CHN1: variants seen among roughly 807,000 people sequenced by gnomAD.
The protein encoded by CHN1 is chimerin 1.
Under a neutral mutation model 59.5 loss-of-function variants are expected in CHN1, and 37 were observed. That is an observed-to-expected ratio of 0.62 (90% CI 0.48 to 0.82). CHN1 has a LOEUF of 0.82. Ranked by LOEUF, CHN1 falls within the 40% of genes least tolerant of loss-of-function variation. The probability of loss-of-function intolerance (pLI) is 0.00; values close to 1 mark genes in which losing one functional copy is unlikely to be tolerated. For synonymous variants in CHN1, 206 were observed against 200.4 expected (o/e 1.03, Z -0.24); for missense variants, 469 against 571.0 (o/e 0.82, Z 1.82).
intron 1 of CHN1, among the ~76,000 whole-genome samples, chr2:174,958,521 T>C (rs1245829141): frequency 6.6e-6 from 1 of 152,120 alleles, no homozygotes; most frequent in Non-Finnish European, 1.5e-5. Context: ...CTCCCGGAGA[T>C]CATTCTGACT....
At chr2:174,891,502 G>A (rs942575297) in intron 5 of CHN1, among the ~76,000 whole-genome samples, 6 of 151,126 alleles carry the variant, frequency 4.0e-5, no homozygotes, top group African/African-American at 1.5e-4. Context: ...CCGGGAGGTG[G>A]AAGTTGCAGT....
chr2:174,896,598 C>T (rs1361754729), intron 5 of CHN1, among the ~76,000 whole-genome samples: 2 of 152,114 alleles, frequency 1.3e-5, no homozygotes, highest in Admixed American at 6.5e-5. Context: ...GTCAGTCCAA[C>T]TCAGTTTGTC....
intron 8 of CHN1, among the ~76,000 whole-genome samples, chr2:174,813,228 A>G (rs1180655613): frequency 6.6e-6 from 1 of 152,246 alleles, no homozygotes; most frequent in Non-Finnish European, 1.5e-5. Flanking sequence ...ACACAGTGGA[A>G]CAGAACTCAA....
intron 5 of CHN1, among the ~76,000 whole-genome samples, chr2:174,892,951 G>A (rs552133580): frequency 6.6e-6 from 1 of 151,984 alleles, no homozygotes; most frequent in South Asian, 2.1e-4. Context: ...CAACAAACTG[G>A]GAATAGAAGG....
chr2:174,832,894 A>C (rs1257918547), intron 7 of CHN1, among the ~76,000 whole-genome samples: 1 of 152,144 alleles, frequency 6.6e-6, no homozygotes, highest in Non-Finnish European at 1.5e-5. Context: ...TAACATTAAC[A>C]CCATGGTATT....
intron 1 of CHN1, among the ~76,000 whole-genome samples, chr2:174,995,705 C>G (rs1472404100): frequency 6.6e-6 from 1 of 152,170 alleles, no homozygotes; most frequent in Non-Finnish European, 1.5e-5. Context: ...TAAAAGGCCA[C>G]CAACCAGCAC....
intron 1 of CHN1, among the ~76,000 whole-genome samples, chr2:174,988,910 C>T (rs533078769): frequency 1.3e-5 from 2 of 152,154 alleles, no homozygotes; most frequent in South Asian, 2.1e-4. Flanking sequence ...GCATTCAAAT[C>T]GTAAGTCAGA....
chr2:174,977,502 G>C (rs749835605), intron 1 of CHN1, among the ~76,000 whole-genome samples: 1 of 152,200 alleles, frequency 6.6e-6, no homozygotes, highest in African/African-American at 2.4e-5. Flanking sequence ...AACAAAGACA[G>C]TGTCTTCAGG....
chr2:174,884,523 C>T (rs1001672328), intron 5 of CHN1, among the ~76,000 whole-genome samples: 1 of 152,088 alleles, frequency 6.6e-6, no homozygotes, highest in Non-Finnish European at 1.5e-5. Flanking sequence ...TAACCAGTAC[C>T]TGCAATATTG....
intron 5 of CHN1, among the ~76,000 whole-genome samples, chr2:174,901,804 T>C (rs1688395865): frequency 6.6e-6 from 1 of 152,184 alleles, no homozygotes; most frequent in South Asian, 2.1e-4. Flanking sequence ...ATAGTACACG[T>C]GGTAATAAAA....
intron 7 of CHN1, among the ~76,000 whole-genome samples, chr2:174,828,034 A>T (rs1008813768): frequency 1.3e-5 from 2 of 152,122 alleles, no homozygotes. Context: ...TACAAGGAAA[A>T]TCACTTTCCC....
intron 1 of CHN1, among the ~76,000 whole-genome samples, chr2:174,972,827 G>A (rs751795186): frequency 5.9e-5 from 9 of 152,092 alleles, no homozygotes; most frequent in Non-Finnish European, 1.2e-4. Flanking sequence ...AGGAAGATCA[G>A]AAATAGAAAA....
rs1553486796 is a variant in CHN1 at position 174,955,188 on chromosome 2, A to ATC, written c.20-2987_20-2986insGA. On this transcript the variant is annotated intron_variant, in intron 1 of 12. Coordinates refer to ENST00000409900, the MANE Select transcript of CHN1 (RefSeq NM_001822.7). ...TATATCTCTATATATCTATATCTAT[A>ATC]TATATATATATAATTGATATATATA... is the stretch of plus-strand genomic sequence containing the variant. Among the ~76,000 whole-genome samples the ATC allele has an allele frequency of 4.4e-4, 27 of 61,960 alleles. No homozygotes were observed. In the South Asian group the frequency reaches 5.0e-3, roughly 11 times the overall value. The allele number at this position is 61,960 out of a possible 152,430, so 40.6% of individuals were successfully genotyped here. A position where few individuals can be genotyped will look rare whatever the true frequency, so the allele number is the denominator to read the frequency against.
chr2:174,975,080 G>A (rs1175500791), intron 1 of CHN1, among the ~76,000 whole-genome samples: 1 of 152,016 alleles, frequency 6.6e-6, no homozygotes, highest in Admixed American at 6.6e-5. Context: ...AAAACCCCTG[G>A]TGGCAAACAA....
intron 11 of CHN1, among the ~76,000 whole-genome samples, chr2:174,808,232 T>C (rs554200798): frequency 2.6e-5 from 4 of 152,374 alleles, no homozygotes; most frequent in African/African-American, 9.6e-5. Flanking sequence ...AGTAATCTGA[T>C]AGAAATTTTA....
At chr2:174,929,415 T>C (rs1460634048) in intron 3 of CHN1, among the ~76,000 whole-genome samples, 1 of 151,888 alleles carries the variant, frequency 6.6e-6, no homozygotes, top group East Asian at 1.9e-4. Context: ...CTGCCTCTAC[T>C]AAAAATACAA....
At chr2:174,802,610 G>T (rs1190853262) in intron 11 of CHN1, among the ~76,000 whole-genome samples, 2 of 152,190 alleles carry the variant, frequency 1.3e-5, no homozygotes, top group African/African-American at 2.4e-5. Context: ...ATTCCTTTGA[G>T]ATCAGACTGC....
intron 6 of CHN1, among the ~76,000 whole-genome samples, chr2:174,848,584 ATACTT>A (rs1686621294): frequency 6.6e-6 from 1 of 152,158 alleles, no homozygotes; most frequent in African/African-American, 2.4e-5. Context: ...TGTAGTGTAA[ATACTT>A]TAATCTCAGA....
intron 8 of CHN1, among the ~76,000 whole-genome samples, chr2:174,823,363 C>T (rs1393090641): frequency 6.6e-6 from 1 of 152,154 alleles, no homozygotes; most frequent in African/African-American, 2.4e-5. Context: ...AAGCCTATGT[C>T]AGAATTTAGA....
Sources: gnomAD v4.1 joint callset for allele counts (sites outside exome capture counted in the v4.1 genomes callset) on GRCh38, gnomAD v4.1.1 for gene constraint, MANE v1.5 for transcripts, NCBI Gene and HGNC (gene_info 2026-07-23, HGNC 2026-07-21) for gene names.